The following PSME4 variants were observed in gnomAD, a reference collection of about 807,000 sequenced individuals.
PSME4 encodes proteasome activator complex subunit 4.
Under a neutral mutation model 253.9 loss-of-function variants are expected in PSME4, and 89 were observed. The ratio of observed to expected loss-of-function variants is 0.35; its 90% CI spans 0.30 to 0.42. The LOEUF (loss-of-function observed/expected upper bound fraction) is 0.42, where lower values mean the gene tolerates loss of function less well. Among genes scored for constraint, PSME4 ranks in the 10% least tolerant of loss-of-function variants. PSME4 has a pLI of 1.00. For missense variants in PSME4, 2,014 were observed against 2,195.2 expected, an observed-to-expected ratio of 0.92 and a Z score of 1.65; for synonymous variants, 851 against 759.2, an observed-to-expected ratio of 1.12 and a Z score of -1.99.
intron 27 of PSME4, among the ~76,000 whole-genome samples, chr2:53,903,448 C>T (rs141094198): frequency 1.5e-3 from 235 of 152,246 alleles, no homozygotes; most frequent in African/African-American, 5.4e-3. Context: ...ACAGTATAAG[C>T]AATCATTATA....
At chr2:53,882,472 C>T (rs577048887) in intron 41 of PSME4, among the ~76,000 whole-genome samples, 10 of 152,256 alleles carry the variant, frequency 6.6e-5, no homozygotes, top group Admixed American at 1.3e-4. Context: ...ATGAGGGACA[C>T]GTATTAACTC....
chr2:53,937,206 T>C (rs1669165836), intron 5 of PSME4, among the ~76,000 whole-genome samples, 185 bp downstream of exon 5: 1 of 152,158 alleles, frequency 6.6e-6, no homozygotes, highest in South Asian at 2.1e-4. Context: ...CTTATTTGGG[T>C]GTCATCTCTT....
At chr2:53,884,790 G>C (rs1353544711) in intron 41 of PSME4, among the ~76,000 whole-genome samples, 2 of 152,266 alleles carry the variant, frequency 1.3e-5, no homozygotes, top group East Asian at 3.9e-4. Context: ...AGCAGCTACT[G>C]TCTACTTTTA....
chr2:53,953,487 TAAAAA>T (rs67192995), intron 1 of PSME4, among the ~76,000 whole-genome samples: 2 of 123,036 alleles, frequency 1.6e-5, no homozygotes, highest in Non-Finnish European at 3.4e-5. Context: ...CCATGTCTAT[TAAAAA>T]AAAAAAAAAA....
At chr2:53,924,778 T>G (rs992537999) in intron 14 of PSME4, among the ~76,000 whole-genome samples, 2 of 152,168 alleles carry the variant, frequency 1.3e-5, no homozygotes, top group African/African-American at 4.8e-5. Context: ...CCTGCGACAG[T>G]TGTTTCTTGT....
In PSME4 at chr2:53,970,883, G is replaced by GA; in HGVS notation, c.-100_-99insT. On this transcript the variant is annotated 5_prime_UTR_variant, in exon 1 of 47. Transcript: ENST00000404125. ...TCCTCCGCGTCTTCGTCGCCCTGCG[G>GA]CCGCTGGCGGCCCGTCGCCCTCGGA... The GA allele has an allele frequency of 9.3e-7, 1 of 1,077,524 alleles. No individual in the cohort carries two copies. Among genetic ancestry groups the GA allele is most frequent in the Non-Finnish European group, 1.3e-6 (1 of 794,512 alleles). The allele number at this position is 1,077,524 out of a possible 1,614,324, so 66.7% of individuals were successfully genotyped here. A position where few individuals can be genotyped will look rare whatever the true frequency, so the allele number is the denominator to read the frequency against.
chr2:53,949,026 A>T, intron 2 of PSME4, 117 bp downstream of exon 2: 4 of 1,323,814 alleles, frequency 3.0e-6, no homozygotes, highest in Non-Finnish European at 4.0e-6. Flanking sequence ...TTTTGCAATC[A>T]TTTTCCAAAT....
At chr2:53,914,737 C>A (rs906007740) in intron 20 of PSME4, among the ~76,000 whole-genome samples, 1 of 151,954 alleles carries the variant, frequency 6.6e-6, no homozygotes, top group African/African-American at 2.4e-5. Context: ...AAAAATTAGC[C>A]GGGCATGGTG....
rs1211956878 is a variant in PSME4, at chr2:53,927,273, A to G, written c.1593+121T>C. On this transcript the variant is annotated intron_variant, in intron 12 of 46. Transcript: ENST00000404125. ...GATGTCCTGGCCCTCCATATGTACC[A>G]TTCTAGTCACAAAATAGTGATTTTA... 8.2e-6 allele frequency: 6 copies of G among 727,420 alleles called. No individual in the cohort carries two copies. The African/African-American group carries it at 1.0e-4, about 13-fold the overall frequency. 45.1% of individuals were successfully genotyped at this position (727,420 alleles called of 1,614,324 possible). A position where few individuals can be genotyped will look rare whatever the true frequency, so the allele number is the denominator to read the frequency against.
At chr2:53,876,790 C>G (rs1384620445) in intron 41 of PSME4, among the ~76,000 whole-genome samples, 2 of 136,350 alleles carry the variant, frequency 1.5e-5, no homozygotes, top group Non-Finnish European at 3.0e-5. Flanking sequence ...ACAACCATGG[C>G]TCACTGTAGC....
At chr2:53,922,119 C>T (rs1284801150) in intron 17 of PSME4, among the ~76,000 whole-genome samples, 5 of 151,934 alleles carry the variant, frequency 3.3e-5, no homozygotes, top group African/African-American at 9.7e-5. Context: ...TTGCAGTGAG[C>T]CGAGATTGCA....
intron 7 of PSME4, among the ~76,000 whole-genome samples, chr2:53,934,967 A>G (rs1159675161): frequency 2.0e-5 from 3 of 152,238 alleles, no homozygotes; most frequent in Admixed American, 6.5e-5. Flanking sequence ...AGTTGTGTCC[A>G]TGTATCCAAA....
intron 29 of PSME4, among the ~76,000 whole-genome samples, chr2:53,899,432 T>C (rs916159710): frequency 2.0e-5 from 3 of 152,210 alleles, no homozygotes; most frequent in Admixed American, 1.3e-4. Flanking sequence ...TGTGTAGTAA[T>C]TACTTCTCAA....
At position 53,937,462 on chromosome 2, in the gene PSME4, T is replaced by C. The variant is rs776862614; in HGVS notation, c.624A>G (p.Gln208=). Residue 208 remains glutamine (Q), a synonymous_variant, in exon 5 of 47, where the codon CAA becomes CAG. Coordinates refer to ENST00000404125, the MANE Select transcript of PSME4 (RefSeq NM_014614.3). ...PLMCPFDVTM[Q]KAITYFEIFL... is the part of the protein sequence containing the mutation. ...ATATTTCAAAATAAGTGATGGCCTT[T>C]TGCATGGTTACATCAAAAGGGCACA... 1.9e-6 allele frequency: 3 copies of C among 1,611,460 alleles called. No individual in the cohort carries two copies. The South Asian group carries it at 3.3e-5, about 18-fold the overall frequency.
At chr2:53,931,401 A>G (rs1436478548) in intron 10 of PSME4, among the ~76,000 whole-genome samples, 1 of 152,254 alleles carries the variant, frequency 6.6e-6, no homozygotes, top group Non-Finnish European at 1.5e-5. Context: ...AATAAAACTT[A>G]CACTGTAAAA....
chr2:53,967,313 AC>A (rs746035916), intron 1 of PSME4, among the ~76,000 whole-genome samples: 3 of 152,114 alleles, frequency 2.0e-5, no homozygotes, highest in Non-Finnish European at 4.4e-5. Flanking sequence ...TGTTAAACAG[AC>A]CTGCAAGTTT....
chr2:53,948,327 T>C (rs1289187374), intron 3 of PSME4, 94 bp downstream of exon 3: 3 of 789,158 alleles, frequency 3.8e-6, no homozygotes, highest in Non-Finnish European at 4.3e-6. Context: ...TATCTGCTTG[T>C]TTCTTTCAAA....
In PSME4 at chr2:53,899,929, AT is replaced by A; in HGVS notation, c.3373del (p.Ile1125LeufsTer16). 1.9e-6 allele frequency: 3 copies of A among 1,613,492 alleles called. No individual in the cohort carries two copies. Among genetic ancestry groups the A allele is most frequent in the Non-Finnish European group, 2.5e-6 (3 of 1,179,602 alleles). On this transcript the variant is annotated frameshift_variant, in exon 29 of 47. Coordinates refer to ENST00000404125, the MANE Select transcript of PSME4 (RefSeq NM_014614.3). LOFTEE classifies it high-confidence loss of function. ...CTGTTGGCGTTTAATTCCTTCCTTA[AT>A]TTTTTCTGGGCTAAGCAATATCTGG... ...INQILLSPEK[I>X]KEGIKRQQEK...
intron 43 of PSME4, among the ~76,000 whole-genome samples, chr2:53,874,072 C>T (rs192768061): frequency 4.6e-5 from 7 of 152,250 alleles, no homozygotes; most frequent in Admixed American, 3.3e-4. Flanking sequence ...AGCGATCCTC[C>T]GACCTCGACC....
Sources: allele counts gnomAD v4.1 joint callset (sites outside exome capture counted in the v4.1 genomes callset), GRCh38; gene constraint gnomAD v4.1.1; transcripts MANE v1.5; gene names NCBI Gene and HGNC (gene_info 2026-07-23, HGNC 2026-07-21).